Variants in ADRA1B observed in about 807,000 individuals in gnomAD.
ADRA1B encodes adrenoceptor alpha 1B.
Under a neutral mutation model 17.9 loss-of-function variants are expected in ADRA1B, and 17 were observed. That is an observed-to-expected ratio of 0.95 (90% CI 0.65 to 1.42). The LOEUF is 1.42. Among genes scored for constraint, ADRA1B ranks in the 40% most tolerant of loss-of-function variants. The probability of loss-of-function intolerance (pLI) is 0.00; values close to 1 mark genes in which losing one functional copy is unlikely to be tolerated. For synonymous variants in ADRA1B, 366 were observed against 327.6 expected, an observed-to-expected ratio of 1.12 and a Z score of -1.27; for missense variants, 681 against 722.1, an observed-to-expected ratio of 0.94 and a Z score of 0.65.
rs1038787564 is a variant in ADRA1B, at chr5:159,954,765, C to G, written c.950-17114C>G. ...TCAAGGAGTAGGAAGGCCTCCTCCA[C>G]CTGGCATCCAAGCTACCATATGTAG... On this transcript the variant is annotated intron_variant, in intron 1 of 1. Transcript: ENST00000306675. Among the ~76,000 whole-genome samples, 3 of 152,188 alleles carry G rather than the reference C, an allele frequency of 2.0e-5. No individual in the cohort carries two copies. The South Asian group carries it at 6.2e-4, about 32-fold the overall frequency.
chr5:159,915,269 C>T (rs1754272675), upstream of ADRA1B, among the ~76,000 whole-genome samples: 1 of 152,190 alleles, frequency 6.6e-6, no homozygotes, highest in Admixed American at 6.5e-5. Context: ...CCTTTGTGAA[C>T]TTGGGCGAAC....
At chr5:159,881,619 TG>T (rs1281059156) in intron 1 of ADRA1B, among the ~76,000 whole-genome samples, 6 of 152,176 alleles carry the variant, frequency 3.9e-5, no homozygotes, top group African/African-American at 1.4e-4. Context: ...AGGAATCTAC[TG>T]GTACAAAATG....
In ADRA1B at chr5:159,883,523, A is replaced by G. The variant is rs572034474; in HGVS notation, c.-256+18317A>G. ...GGTTGAAGAAATTTAGCCTAGAGCA[A>G]CAGTCAGTGCCAACATGTTCCCCAC... On this transcript the variant is annotated intron_variant, in intron 1 of 2. Transcript: ENST00000641205. Among the ~76,000 whole-genome samples, 12 of 152,360 alleles carry G rather than the reference A, an allele frequency of 7.9e-5. No homozygotes were observed. In the South Asian group the frequency reaches 2.1e-3, roughly 26 times the overall value.
chr5:159,989,172 C>G, the ADRA1B span, among the ~76,000 whole-genome samples: 1 of 151,880 alleles, frequency 6.6e-6, no homozygotes, highest in Non-Finnish European at 1.5e-5. Flanking sequence ...TTTTTTGTTT[C>G]TTTGTTTGTT....
chr5:159,980,645 GAATAATA>G, the ADRA1B span, among the ~76,000 whole-genome samples: 3 of 152,010 alleles, frequency 2.0e-5, no homozygotes, highest in African/African-American at 4.8e-5. Context: ...AAGACTGGCA[GAATAATA>G]GAATCTTCTT....
intron 1 of ADRA1B, among the ~76,000 whole-genome samples, chr5:159,899,247 GAAGGAAGGAAGGAAGA>G (rs1435009059): frequency 3.5e-4 from 50 of 143,256 alleles, no homozygotes; most frequent in African/African-American, 1.3e-3. Flanking sequence ...AGGGAGGAAG[GAAGGAAGGAAGGAAGA>G]AAGGAAGGAA....
intron 1 of ADRA1B, among the ~76,000 whole-genome samples, chr5:159,960,018 T>C (rs1755636178): frequency 6.6e-6 from 1 of 152,186 alleles, no homozygotes; most frequent in Non-Finnish European, 1.5e-5. Flanking sequence ...TTTCCACATT[T>C]GTAAATTGGG....
chr5:159,909,849 G>C (rs544545819), intron 1 of ADRA1B, among the ~76,000 whole-genome samples: 1 of 152,210 alleles, frequency 6.6e-6, no homozygotes, highest in Non-Finnish European at 1.5e-5. Context: ...AATTGATCAA[G>C]GGGCCCTGCC....
chr5:159,972,669 T>G lies in ADRA1B; in HGVS notation c.*177T>G, dbSNP rs1581075518. ...TTCTGGCAGGGGCATGGGTGCCAGG[T>G]ACCACGCGGAAAGCCGGGCCGAGCA... On this transcript the variant is annotated 3_prime_UTR_variant, in exon 2 of 2. Coordinates refer to ENST00000306675, the MANE Select transcript of ADRA1B (RefSeq NM_000679.4). 4.0e-6 allele frequency: 3 copies of G among 745,516 alleles called. No individual in the cohort carries two copies. Among genetic ancestry groups the G allele is most frequent in the Non-Finnish European group, 5.9e-6 (3 of 507,726 alleles). 46.2% of individuals were successfully genotyped at this position (745,516 alleles called of 1,614,324 possible).
chr5:159,932,480 A>C (rs1048602862), intron 1 of ADRA1B, among the ~76,000 whole-genome samples: 4 of 152,192 alleles, frequency 2.6e-5, no homozygotes, highest in Non-Finnish European at 5.9e-5. Context: ...TTAATGCTGC[A>C]CTGAATTCCA....
chr5:159,972,428 C>T lies in ADRA1B; in HGVS notation c.1499C>T (p.Ala500Val). The T allele has an allele frequency of 6.6e-7, 1 of 1,503,946 alleles. No homozygotes were observed. Among genetic ancestry groups the T allele is most frequent in the Non-Finnish European group, 8.8e-7 (1 of 1,132,230 alleles). The allele number at this position is 1,503,946 out of a possible 1,614,324, so 93.2% of individuals were successfully genotyped here. A position where few individuals can be genotyped will look rare whatever the true frequency, so the allele number is the denominator to read the frequency against. ...AGCAACGGAGGCTGCGAGGCCGCGG[C>T]CGACGTGGCCAACGGGCAGCCGGGC... ...GASNGGCEAA[A>V]DVANGQPGFK... Residue 500 changes from alanine to valine, a missense_variant, in exon 2 of 2, where the codon GCC becomes GTC. Ala to Val is a moderately conservative substitution (Grantham distance 64). Transcript: ENST00000306675.
chr5:159,961,532 T>C (rs1755664737), intron 1 of ADRA1B, among the ~76,000 whole-genome samples: 1 of 152,244 alleles, frequency 6.6e-6, no homozygotes, highest in Non-Finnish European at 1.5e-5. Flanking sequence ...ACAAAGCTGG[T>C]GCTGACAGAA....
intron 1 of ADRA1B, among the ~76,000 whole-genome samples, chr5:159,970,162 G>A (rs1163707957): frequency 2.0e-5 from 3 of 152,140 alleles, no homozygotes; most frequent in African/African-American, 7.2e-5. Flanking sequence ...TCATCATCAT[G>A]AGTCTATGCC....
intron 1 of ADRA1B, chr5:159,948,474 C>T (rs2113254028): frequency 1.0e-6 from 1 of 982,380 alleles, no homozygotes. Context: ...GTAACTTTTA[C>T]TGGGTTAGTT....
the ADRA1B span, among the ~76,000 whole-genome samples, chr5:159,981,603 C>G: frequency 6.6e-6 from 1 of 152,212 alleles, no homozygotes; most frequent in Admixed American, 6.5e-5. Flanking sequence ...TCACACCATT[C>G]TCCTGCCTCA....
the ADRA1B span, among the ~76,000 whole-genome samples, chr5:159,987,826 T>G: frequency 6.6e-6 from 1 of 152,190 alleles, no homozygotes; most frequent in Non-Finnish European, 1.5e-5. Context: ...ATGGACCAAG[T>G]GCCAGGCAAT....
chr5:159,923,527 T>C (rs1269284091), intron 1 of ADRA1B, among the ~76,000 whole-genome samples: 1 of 152,180 alleles, frequency 6.6e-6, no homozygotes, highest in Admixed American at 6.5e-5. Context: ...TAGATGGAGG[T>C]ACCATTTGTT....
intron 1 of ADRA1B, among the ~76,000 whole-genome samples, chr5:159,945,102 G>C (rs118136972): frequency 2.0e-5 from 3 of 152,154 alleles, no homozygotes; most frequent in Non-Finnish European, 4.4e-5. Flanking sequence ...AAAGAGGGCC[G>C]GGTGCGGTGG....
Position 159,917,574 on chromosome 5 carries a change from C to G in ADRA1B, c.669C>G (p.Tyr223Ter). 1 of 1,614,092 alleles carries G rather than the reference C, an allele frequency of 6.2e-7. No homozygotes were observed. The highest frequency in any genetic ancestry group is 8.5e-7 in the Non-Finnish European group (1 of 1,180,016). Residue 223 changes from tyrosine (Y) to a stop codon, truncating the protein, a stop_gained, in exon 1 of 2, where the codon TAC becomes TAG. Transcript: ENST00000306675. LOFTEE classifies it high-confidence loss of function. ...YIPLAVILVM[Y>*]CRVYIVAKRT... ...CTCTGGCGGTCATTCTAGTCATGTA[C>G]TGCCGTGTCTATATAGTGGCCAAGA...
Sources: gnomAD v4.1 joint callset for allele counts (sites outside exome capture counted in the v4.1 genomes callset) on GRCh38, gnomAD v4.1.1 for gene constraint, MANE v1.5 for transcripts, NCBI Gene and HGNC (gene_info 2026-07-23, HGNC 2026-07-21) for gene names.